The following IQGAP1 variants were observed in gnomAD, a reference collection of about 807,000 sequenced individuals.
IQGAP1 encodes the protein IQ motif containing GTPase activating protein 1.
A neutral mutation model predicts 215.6 loss-of-function variants in IQGAP1; 66 were observed. The observed-to-expected ratio is 0.31, with a 90% CI of 0.25 to 0.38. The LOEUF (loss-of-function observed/expected upper bound fraction) is 0.38, where lower values mean the gene tolerates loss of function less well. Among genes scored for constraint, IQGAP1 ranks in the 10% least tolerant of loss-of-function variants. The pLI is 1.00. For synonymous variants in IQGAP1, 772 were observed against 728.7 expected, an observed-to-expected ratio of 1.06 and a Z score of -0.96; for missense variants, 1,712 against 1,997.1, an observed-to-expected ratio of 0.86 and a Z score of 2.72.
intron 34 of IQGAP1, chr15:90,491,807 C>G: frequency 2.4e-6 from 1 of 414,380 alleles, no homozygotes; most frequent in Non-Finnish European, 4.4e-6. Flanking sequence ...TTAAAGAATT[C>G]TTCCAGATCT....
chr15:90,413,071 T>A (rs1964991912), intron 2 of IQGAP1, among the ~76,000 whole-genome samples: 1 of 152,212 alleles, frequency 6.6e-6, no homozygotes, highest in African/African-American at 2.4e-5. Flanking sequence ...TAGTTATTTA[T>A]TTGTCTTGCT....
chr15:90,490,336 C>CT (rs377270957), intron 33 of IQGAP1, among the ~76,000 whole-genome samples: 44 of 152,264 alleles, frequency 2.9e-4, no homozygotes, highest in African/African-American at 1.1e-3. Flanking sequence ...ACAGAAAAGG[C>CT]TTTGGATTTT....
chr15:90,478,015 G>A, intron 26 of IQGAP1, 126 bp downstream of exon 26: 1 of 686,796 alleles, frequency 1.5e-6, no homozygotes, highest in Non-Finnish European at 2.4e-6. Flanking sequence ...TTTTTAGACA[G>A]AGTTTCACTC....
Position 90,441,588 on chromosome 15 carries a change from T to C in IQGAP1, c.732T>C (p.Asn244=), listed in dbSNP as rs1247921737. The C allele has an allele frequency of 6.2e-7, 1 of 1,614,048 alleles. No individual in the cohort carries two copies. Among genetic ancestry groups the C allele is most frequent in the Admixed American group, 1.7e-5 (1 of 60,014 alleles). Residue 244 remains asparagine, a synonymous_variant, in exon 8 of 38, where the codon AAT becomes AAC. Transcript: ENST00000268182. Reference sequence around the variant, plus strand: ...CATTTGCAGCTTTGAAAAATCCGAATGCCATGCTTGTAAATCTTGAAGAGC... The same window carrying C: ...CATTTGCAGCTTTGAAAAATCCGAACGCCATGCTTGTAAATCTTGAAGAGC... ...ADTFAALKNP[N]AMLVNLEEPL...
chr15:90,403,287 G>C (rs1327519559), intron 2 of IQGAP1, among the ~76,000 whole-genome samples: 2 of 152,054 alleles, frequency 1.3e-5, no homozygotes, highest in African/African-American at 2.4e-5. Context: ...CATTAGTTTG[G>C]GCAATACCTT....
chr15:90,499,025 C>T (rs1373722864), intron 37 of IQGAP1, among the ~76,000 whole-genome samples: 1 of 152,144 alleles, frequency 6.6e-6, no homozygotes, highest in Non-Finnish European at 1.5e-5. Context: ...GCCATGTTGG[C>T]CAGGCTGGTC....
intron 2 of IQGAP1, among the ~76,000 whole-genome samples, chr15:90,398,888 C>T (rs1459873990): frequency 6.6e-6 from 1 of 151,256 alleles, no homozygotes; most frequent in East Asian, 1.9e-4. Context: ...TGCTTGTAAT[C>T]CCAGCTACTC....
intron 15 of IQGAP1, among the ~76,000 whole-genome samples, chr15:90,457,688 C>T (rs1480349747): frequency 4.0e-5 from 6 of 151,472 alleles, no homozygotes; most frequent in African/African-American, 7.3e-5. Context: ...GTGATCTGCC[C>T]GCCTCAGCCT....
At position 90,426,258 on chromosome 15, in the gene IQGAP1, A is replaced by G; in HGVS notation, c.304A>G (p.Arg102Gly). ...AAAAATCTATGATCGAGAACAGACC[A>G]GATACAAGGTGAGTCCTTCCTTGCT... is the stretch of plus-strand genomic sequence containing the variant. ...LKKIYDREQT[R>G]YKATGLHFRH... Residue 102 changes from arginine to glycine, a missense_variant, in exon 3 of 38, where the codon AGA becomes GGA. By Grantham distance (125) the Arg-to-Gly change is moderately radical. Around this residue, in one of 2 missense-constraint regions of IQGAP1, gnomAD observed 1,021 missense variants for 1,074.2 expected, o/e 0.95. Coordinates refer to ENST00000268182, the MANE Select transcript of IQGAP1 (RefSeq NM_003870.4). 1.9e-6 allele frequency: 3 copies of G among 1,587,992 alleles called. No homozygotes were observed. The highest frequency in any genetic ancestry group is 1.2e-5 in the South Asian group (1 of 86,094).
At chr15:90,473,281 A>G (rs1965931141) in intron 19 of IQGAP1, among the ~76,000 whole-genome samples, 1 of 152,152 alleles carries the variant, frequency 6.6e-6, no homozygotes, top group African/African-American at 2.4e-5. Context: ...TGAGGGAAAC[A>G]ACTGTGGTCT....
intron 8 of IQGAP1, among the ~76,000 whole-genome samples, chr15:90,442,241 G>A (rs888826631): frequency 2.0e-5 from 3 of 152,094 alleles, no homozygotes; most frequent in Non-Finnish European, 4.4e-5. Context: ...CTCATTTCCC[G>A]AGGTCAGGAG....
At chr15:90,404,796 G>T (rs1329356525) in intron 2 of IQGAP1, among the ~76,000 whole-genome samples, 2 of 152,074 alleles carry the variant, frequency 1.3e-5, no homozygotes, top group Non-Finnish European at 2.9e-5. Flanking sequence ...GGCCAGGCTG[G>T]TCTTGAACTC....
chr15:90,463,124 T>C (rs1965786033), intron 15 of IQGAP1, among the ~76,000 whole-genome samples: 1 of 152,246 alleles, frequency 6.6e-6, no homozygotes, highest in Non-Finnish European at 1.5e-5. Flanking sequence ...TCTGTATTAA[T>C]GTTTCCCTGA....
At chr15:90,465,094 C>T (rs1285536233) in intron 15 of IQGAP1, among the ~76,000 whole-genome samples, 1 of 152,204 alleles carries the variant, frequency 6.6e-6, no homozygotes, top group African/African-American at 2.4e-5. Flanking sequence ...GTAATCACAA[C>T]ATTCATTATA....
At chr15:90,410,996 T>C (rs1432991290) in intron 2 of IQGAP1, among the ~76,000 whole-genome samples, 1 of 152,294 alleles carries the variant, frequency 6.6e-6, no homozygotes, top group Admixed American at 6.5e-5. Context: ...TGTCACTCTT[T>C]CCTGTTCAAT....
intron 26 of IQGAP1, among the ~76,000 whole-genome samples, chr15:90,481,729 A>G (rs1225050735): frequency 6.6e-6 from 1 of 152,186 alleles, no homozygotes. Context: ...TGTCTTGTAT[A>G]ACTTTTATTC....
At position 90,445,469 on chromosome 15, in the gene IQGAP1, C is replaced by T. The variant is rs150446369; in HGVS notation, c.913+1991C>T. ...TGGTTGACTTTCAAATCTCCTGTGT[C>T]GTACACAGGCTCATCCCTATAAATT... On this transcript the variant is annotated intron_variant, in intron 9 of 37. Transcript: ENST00000268182. 5.9e-5 allele frequency among the ~76,000 whole-genome samples: 9 copies of T among 152,160 alleles called. No individual in the cohort carries two copies. The East Asian group carries it at 1.6e-3, about 26-fold the overall frequency.
intron 2 of IQGAP1, among the ~76,000 whole-genome samples, chr15:90,402,587 AG>A (rs1299988823): frequency 1.3e-5 from 2 of 152,206 alleles, no homozygotes; most frequent in African/African-American, 2.4e-5. Flanking sequence ...CTGCAGCAGA[AG>A]GAAATAGTAT....
Position 90,439,318 on chromosome 15 carries a change from A to G in IQGAP1, c.468-14A>G, listed in dbSNP as rs747106194. The G allele has an allele frequency of 6.2e-7, 1 of 1,610,626 alleles. No individual in the cohort carries two copies. The highest frequency in any genetic ancestry group is 8.5e-7 in the Non-Finnish European group (1 of 1,177,692). On this transcript the variant is annotated splice_polypyrimidine_tract_variant and intron_variant, in intron 5 of 37. Coordinates refer to ENST00000268182, the MANE Select transcript of IQGAP1 (RefSeq NM_003870.4). ...AGCTGGGAGGCCTAACCTTTTGCAT[A>G]TTGTATCTTCTAGTTTGTACCTGTT...
Sources: gnomAD v4.1 joint callset for allele counts (sites outside exome capture counted in the v4.1 genomes callset) on GRCh38, gnomAD v4.1.1 for gene constraint, gnomAD v4.1.1 regional missense constraint, MANE v1.5 for transcripts, NCBI Gene and HGNC (gene_info 2026-07-23, HGNC 2026-07-21) for gene names.